The following SIPA1L3 variants were observed in gnomAD, a reference collection of about 807,000 sequenced individuals.
The protein encoded by SIPA1L3 is signal-induced proliferation-associated 1-like protein 3.
SIPA1L3 carries 59 observed loss-of-function variants against 150.1 expected under a neutral mutation model. The ratio of observed to expected loss-of-function variants is 0.39; its 90% confidence interval spans 0.32 to 0.49. The LOEUF is 0.49. Among genes scored for constraint, SIPA1L3 ranks in the 20% least tolerant of loss-of-function variants. The probability of loss-of-function intolerance (pLI) is 0.86; values close to 1 mark genes in which losing one functional copy is unlikely to be tolerated. For missense variants in SIPA1L3, 2,211 were observed against 2,489.5 expected, an observed-to-expected ratio of 0.89 and a Z score of 2.38; for synonymous variants, 1,070 against 1,077.6, an observed-to-expected ratio of 0.99 and a Z score of 0.14.
intron 1 of SIPA1L3, among the ~76,000 whole-genome samples, chr19:37,997,848 G>C (rs1020347114): frequency 2.0e-5 from 3 of 147,044 alleles, no homozygotes; most frequent in African/African-American, 5.1e-5. Flanking sequence ...CCTGACGACA[G>C]AGCGAGACTC....
At chr19:38,007,520 A>T (rs990029601) in intron 1 of SIPA1L3, among the ~76,000 whole-genome samples, 14 of 150,554 alleles carry the variant, frequency 9.3e-5, no homozygotes, top group African/African-American at 3.4e-4. Context: ...GGGAGGGGGG[A>T]TTTTGGAAAA....
chr19:38,000,985 C>T (rs1725500), intron 1 of SIPA1L3, among the ~76,000 whole-genome samples: 106,750 of 146,194 alleles, frequency 0.73, 39,162 homozygotes, highest in East Asian at 0.95. Context: ...ATATAACACA[C>T]ATATATATAA....
chr19:38,198,026 G>C (rs1339810746), intron 18 of SIPA1L3, among the ~76,000 whole-genome samples: 1 of 152,122 alleles, frequency 6.6e-6, no homozygotes, highest in African/African-American at 2.4e-5. Flanking sequence ...TTCCTCCCTT[G>C]CTCACCCTCT....
At position 38,182,354 on chromosome 19, in the gene SIPA1L3, C is replaced by T. The variant is rs8100668; in HGVS notation, c.4209-165C>T. Among the ~76,000 whole-genome samples the T allele has an allele frequency of 0.057, 8,673 of 152,120 alleles. 827 individuals are homozygous for T. The highest frequency in any genetic ancestry group is 0.19 in the African/African-American group (7,959 of 41,432). Reference sequence around the variant, plus strand: ...TGTGCAGGCAGTCTTCCCTTTTCTACAGATAGGCGTCTATACTGTTGGAAT... The same window carrying T: ...TGTGCAGGCAGTCTTCCCTTTTCTATAGATAGGCGTCTATACTGTTGGAAT... On this transcript the variant is annotated intron_variant, in intron 15 of 21. Coordinates refer to ENST00000222345, the MANE Select transcript of SIPA1L3 (RefSeq NM_015073.3).
At chr19:38,109,899 G>A (rs1272873141) in intron 7 of SIPA1L3, 2 of 273,640 alleles carry the variant, frequency 7.3e-6, no homozygotes, top group East Asian at 1.4e-4. Context: ...GTCAGCAAAG[G>A]CCTCCCTGGG....
intron 2 of SIPA1L3, among the ~76,000 whole-genome samples, chr19:38,072,793 T>C (rs978317478): frequency 1.3e-5 from 2 of 152,250 alleles, no homozygotes; most frequent in Admixed American, 6.5e-5. Flanking sequence ...ACCACAACTG[T>C]CCACATTGGA....
intron 1 of SIPA1L3, chr19:37,963,743 G>C (rs764690333): frequency 2.0e-5 from 3 of 152,128 alleles, no homozygotes; most frequent in Non-Finnish European, 4.4e-5. Flanking sequence ...TGTTGATTTT[G>C]GTGGGAAATA....
chr19:38,145,865 CTT>C (rs372952068), intron 12 of SIPA1L3, among the ~76,000 whole-genome samples: 2 of 145,468 alleles, frequency 1.4e-5, no homozygotes. Flanking sequence ...TTCTGAGGCT[CTT>C]TTTTTTTTTT....
intron 1 of SIPA1L3, among the ~76,000 whole-genome samples, chr19:38,001,803 CTT>C (rs2145660572): frequency 6.6e-6 from 1 of 152,240 alleles, no homozygotes; most frequent in African/African-American, 2.4e-5. Context: ...CCATTTAAAA[CTT>C]TTATTGTGGC....
At chr19:37,938,243 G>A (rs553531687) in intron 1 of SIPA1L3, among the ~76,000 whole-genome samples, 1 of 152,228 alleles carries the variant, frequency 6.6e-6, no homozygotes, top group South Asian at 2.1e-4. Flanking sequence ...TGGACATTTT[G>A]TTTTCAGATT....
chr19:38,082,034 C>G lies in SIPA1L3; in HGVS notation c.469C>G (p.Arg157Gly), dbSNP rs756976831. ...KDVEFQDGWP[R>G]SPGRAFLPLR... ...CGTGGAGTTCCAGGACGGGTGGCCC[C>G]GGTCCCCCGGCAGGGCCTTCCTCCC... Residue 157 changes from arginine (R) to glycine (G), a missense_variant, in exon 3 of 22, where the codon CGG (arginine) becomes GGG (glycine). This residue lies in a region of SIPA1L3 where 587 missense variants were observed against 534.5 expected (regional missense o/e 1.10). Transcript: ENST00000222345. The G allele has an allele frequency of 6.2e-7, 1 of 1,613,894 alleles. No individual in the cohort carries two copies. Among genetic ancestry groups the G allele is most frequent in the Non-Finnish European group, 8.5e-7 (1 of 1,179,994 alleles).
intron 1 of SIPA1L3, among the ~76,000 whole-genome samples, chr19:38,013,197 A>G (rs943053377): frequency 7.9e-5 from 12 of 152,146 alleles, no homozygotes; most frequent in African/African-American, 2.9e-4. Context: ...CATCTCTGAG[A>G]GTTTGCCTTC....
At chr19:38,183,349 C>T (rs1026803023) in intron 16 of SIPA1L3, among the ~76,000 whole-genome samples, 4 of 133,776 alleles carry the variant, frequency 3.0e-5, no homozygotes, top group Non-Finnish European at 4.8e-5. Context: ...GACGAAGGGG[C>T]GGGAGCAGGG....
At chr19:37,995,187 G>A (rs1967606248) in intron 1 of SIPA1L3, among the ~76,000 whole-genome samples, 1 of 152,108 alleles carries the variant, frequency 6.6e-6, no homozygotes, top group African/African-American at 2.4e-5. Context: ...AGGAGCCAGG[G>A]GCCGGCCCTA....
chr19:38,198,558 C>A, intron 19 of SIPA1L3, 26 bp downstream of exon 19: 1 of 1,481,756 alleles, frequency 6.7e-7, no homozygotes, highest in South Asian at 1.4e-5. Context: ...CCAGTCCCGC[C>A]AGGCCCCCAC....
chr19:38,125,631 C>T (rs1971154248), intron 9 of SIPA1L3, among the ~76,000 whole-genome samples: 1 of 152,114 alleles, frequency 6.6e-6, no homozygotes, highest in Non-Finnish European at 1.5e-5. Flanking sequence ...GAGGGGCAGG[C>T]CCGTTTTGAA....
intron 1 of SIPA1L3, among the ~76,000 whole-genome samples, chr19:37,958,540 A>G (rs1479055970): frequency 6.6e-6 from 1 of 152,252 alleles, no homozygotes; most frequent in African/African-American, 2.4e-5. Context: ...CCTAAATGTA[A>G]GAGTTAAAAT....
At chr19:37,960,113 G>GT (rs2046844146) in intron 1 of SIPA1L3, among the ~76,000 whole-genome samples, 1 of 151,910 alleles carries the variant, frequency 6.6e-6, no homozygotes, top group Non-Finnish European at 1.5e-5. Flanking sequence ...CTTTTCTCAT[G>GT]TTTTTTCTTT....
chr19:38,140,178 A>G (rs1017794316), intron 10 of SIPA1L3, among the ~76,000 whole-genome samples: 1 of 152,200 alleles, frequency 6.6e-6, no homozygotes, highest in African/African-American at 2.4e-5. Context: ...TTCCAGGCTG[A>G]AGGCTCCTCT....
Sources: allele counts gnomAD v4.1 joint callset (sites outside exome capture counted in the v4.1 genomes callset), GRCh38; gene constraint gnomAD v4.1.1; regional missense constraint gnomAD v4.1.1; transcripts MANE v1.5; gene names NCBI Gene and HGNC (gene_info 2026-07-23, HGNC 2026-07-21).